Variants in TMEM38A observed in about 807,000 individuals in gnomAD.
TMEM38A encodes the protein trimeric intracellular cation channel type A.
TMEM38A carries 17 observed loss-of-function variants against 28.6 expected under a neutral mutation model. The observed-to-expected ratio is 0.60, with a 90% CI of 0.41 to 0.89. The LOEUF (loss-of-function observed/expected upper bound fraction) is 0.89, where lower values mean the gene tolerates loss of function less well. TMEM38A is among the 40% of genes least tolerant of loss of function. The pLI is 0.00. For missense variants in TMEM38A, 328 were observed against 393.1 expected, an observed-to-expected ratio of 0.83 and a Z score of 1.40; for synonymous variants, 169 against 166.1, an observed-to-expected ratio of 1.02 and a Z score of -0.14.
Position 16,680,498 on chromosome 19 carries a change from G to A in TMEM38A, c.383G>A (p.Arg128His), listed in dbSNP as rs199622743. The change falls in exon 3 of 6, where the codon CGC becomes CAC. Residue 128 changes from arginine (R) to histidine (H), a missense_variant. Arg to His is a conservative substitution (Grantham distance 29). Coordinates refer to ENST00000187762, the MANE Select transcript of TMEM38A (RefSeq NM_024074.4). ...FVAMKEVVRV[R>H]KIAVGIHHAH... ...GCCATGAAGGAGGTGGTGCGAGTCC[G>A]CAAGATCGCGGTGGGCATCCATCAC... is the stretch of plus-strand genomic sequence containing the variant. 1,509 of 1,614,196 alleles carry A rather than the reference G, an allele frequency of 9.3e-4. 13 individuals are homozygous for A. The highest frequency in any genetic ancestry group is 1.2e-4 in the Non-Finnish European group (143 of 1,180,044).
chr19:16,682,168 C>G (rs900260437), intron 3 of TMEM38A, among the ~76,000 whole-genome samples: 6 of 152,064 alleles, frequency 3.9e-5, no homozygotes, highest in African/African-American at 1.4e-4. Flanking sequence ...GGTTGAAGAC[C>G]TGCCTTGCAG....
At chr19:16,681,651 A>G (rs1227100188) in intron 3 of TMEM38A, among the ~76,000 whole-genome samples, 1 of 152,186 alleles carries the variant, frequency 6.6e-6, no homozygotes, top group African/African-American at 2.4e-5. Context: ...GTCCTCAGTT[A>G]TTCCTTGCTA....
intron 3 of TMEM38A, chr19:16,680,887 G>C (rs1356165874): frequency 2.8e-6 from 1 of 363,046 alleles, no homozygotes; most frequent in African/African-American, 2.1e-5. Flanking sequence ...CTTTGTGGTG[G>C]GGGCTGCCTT....
chr19:16,674,337 G>A (rs1258140732), intron 1 of TMEM38A, among the ~76,000 whole-genome samples: 7 of 125,882 alleles, frequency 5.6e-5, no homozygotes, highest in African/African-American at 1.5e-4. Flanking sequence ...GCAGTGAGCC[G>A]AGATCACACC....
At position 16,661,171 on chromosome 19, in the gene TMEM38A, G is replaced by A. The variant is rs1445964138; in HGVS notation, c.-47G>A. The A allele has an allele frequency of 8.4e-7, 1 of 1,196,042 alleles. No individual in the cohort carries two copies. Among genetic ancestry groups the A allele is most frequent in the South Asian group, 2.9e-5 (1 of 34,232 alleles). 74.1% of individuals were successfully genotyped at this position (1,196,042 alleles called of 1,614,324 possible). A position where few individuals can be genotyped will look rare whatever the true frequency, so the allele number is the denominator to read the frequency against. ...CCGGGCCGCGGGCGGCGGGACGGAC[G>A]AGGCCGGGGCCCCGGGTGGCACCCG... On this transcript the variant is annotated 5_prime_UTR_variant, in exon 1 of 6. Transcript: ENST00000187762. The surrounding 1 kb of genome is among the most constrained non-coding windows in gnomAD (Gnocchi z 6.5).
At position 16,688,086 on chromosome 19, in the gene TMEM38A, CT is replaced by C. The variant is rs1481644740; in HGVS notation, c.673-55del. On this transcript the variant is annotated intron_variant, in intron 5 of 5. Coordinates refer to ENST00000187762, the MANE Select transcript of TMEM38A (RefSeq NM_024074.4). ...CCCCACCCTGCCCTCCACTCCTTTG[CT>C]TTCTACCTTGGTCTCCCTCTGTCTC... The C allele has an allele frequency of 5.5e-6, 7 of 1,271,382 alleles. No individual in the cohort carries two copies. The Admixed American group carries it at 1.2e-4, about 21-fold the overall frequency. The allele number at this position is 1,271,382 out of a possible 1,614,324, so 78.8% of individuals were successfully genotyped here. A position where few individuals can be genotyped will look rare whatever the true frequency, so the allele number is the denominator to read the frequency against.
intron 1 of TMEM38A, among the ~76,000 whole-genome samples, chr19:16,676,264 G>A (rs2086750846): frequency 7.5e-6 from 1 of 133,458 alleles, no homozygotes; most frequent in Non-Finnish European, 1.5e-5. Flanking sequence ...GCTGAGGCAG[G>A]AGAATGGCAT....
At chr19:16,677,098 A>G (rs1036852858) in intron 1 of TMEM38A, among the ~76,000 whole-genome samples, 2 of 150,120 alleles carry the variant, frequency 1.3e-5, no homozygotes, top group African/African-American at 4.9e-5. Context: ...AAGCCCAGCT[A>G]TAGGACCTAA....
chr19:16,672,445 C>CTTTTTTTTTT (rs1491240988), intron 1 of TMEM38A, among the ~76,000 whole-genome samples: 45 of 100,432 alleles, frequency 4.5e-4, no homozygotes, highest in African/African-American at 2.0e-3. Flanking sequence ...AAAAAAACCT[C>CTTTTTTTTTT]ATTTTTTTTT....
chr19:16,674,049 G>A (rs1183729996), intron 1 of TMEM38A, among the ~76,000 whole-genome samples: 2 of 151,984 alleles, frequency 1.3e-5, no homozygotes, highest in African/African-American at 2.4e-5. Context: ...TTGCATCACT[G>A]CACTCCAGCC....
intron 4 of TMEM38A, 148 bp from the exon 5 acceptor site, chr19:16,686,140 G>A (rs929913133): frequency 3.4e-6 from 2 of 589,058 alleles, no homozygotes; most frequent in Admixed American, 5.8e-5. Context: ...TCCAGCCTGG[G>A]CAACAGAGTG....
intron 1 of TMEM38A, among the ~76,000 whole-genome samples, chr19:16,670,059 T>G (rs2086720050): frequency 6.6e-6 from 1 of 151,878 alleles, no homozygotes; most frequent in African/African-American, 2.4e-5. Context: ...AACCTCCGCC[T>G]CATGGGTTCA....
At chr19:16,682,083 C>T (rs148877853) in intron 3 of TMEM38A, among the ~76,000 whole-genome samples, 1,576 of 152,158 alleles carry the variant, frequency 0.01, 27 homozygotes, top group African/African-American at 0.035. Flanking sequence ...AGAGAGACTG[C>T]GGGTGGGGGC....
At position 16,675,904 on chromosome 19, in the gene TMEM38A, C is replaced by G. The variant is rs117914510; in HGVS notation, c.125-4080C>G. Among the ~76,000 whole-genome samples, 566 of 152,124 alleles carry G rather than the reference C, an allele frequency of 3.7e-3. 19 individuals are homozygous for G. In the South Asian group the frequency reaches 0.078, roughly 21 times the overall value. Reference sequence around the variant, plus strand: ...GTGACATAATCACCTCCCAAAGGCCCGACCTCCTAATGCTATCACAAGCGG... The same window carrying G: ...GTGACATAATCACCTCCCAAAGGCCGGACCTCCTAATGCTATCACAAGCGG... On this transcript the variant is annotated intron_variant, in intron 1 of 5. Transcript: ENST00000187762.
rs2086785151 is a variant in TMEM38A, at chr19:16,682,334, G to T, written c.467-87G>T. The T allele has an allele frequency of 1.1e-5, 12 of 1,053,638 alleles. No individual in the cohort carries two copies. In the South Asian group the frequency reaches 1.4e-4, roughly 12 times the overall value. The allele number at this position is 1,053,638 out of a possible 1,614,324, so 65.3% of individuals were successfully genotyped here. ...TGTCCTTCTAGAGAAGATTCTGGGA[G>T]TGGAGAGACTGCTTCCTTGGGAATT... is the stretch of plus-strand genomic sequence containing the variant. On this transcript the variant is annotated intron_variant, in intron 3 of 5. Coordinates refer to ENST00000187762, the MANE Select transcript of TMEM38A (RefSeq NM_024074.4).
chr19:16,665,664 G>T (rs2086699876), intron 1 of TMEM38A, among the ~76,000 whole-genome samples: 1 of 152,164 alleles, frequency 6.6e-6, no homozygotes, highest in Non-Finnish European at 1.5e-5. Flanking sequence ...CGATTGTAAA[G>T]ATCTATTGAG....
chr19:16,682,445 A>C lies in TMEM38A; in HGVS notation c.491A>C (p.Asn164Thr), dbSNP rs765512783. The C allele has an allele frequency of 6.2e-7, 1 of 1,613,778 alleles. No individual in the cohort carries two copies. The highest frequency in any genetic ancestry group is 1.7e-5 in the Admixed American group (1 of 59,958). Residue 164 changes from asparagine to threonine, a missense_variant, in exon 4 of 6, where the codon AAC (asparagine) becomes ACC (threonine). Physicochemically the swap from Asn to Thr is moderately conservative, Grantham distance 65 (BLOSUM62 0). Coordinates refer to ENST00000187762, the MANE Select transcript of TMEM38A (RefSeq NM_024074.4). The stretch of plus-strand genomic sequence containing the variant: ...GGTTCTGGTGTCGCCCTCATGTCCA[A>C]CTTTGAGCAGCTGCTCCGAGGGGTC... ...VKGSGVALMSNFEQLLRGVWK... is the reference protein window; with the variant it reads ...VKGSGVALMSTFEQLLRGVWK...
Position 16,661,345 on chromosome 19 carries a change from A to G in TMEM38A, c.124+4A>G. 1 of 1,572,366 alleles carries G rather than the reference A, an allele frequency of 6.4e-7. No individual in the cohort carries two copies. Among genetic ancestry groups the G allele is most frequent in the East Asian group, 2.4e-5 (1 of 40,982 alleles). ...CTCTACCTCAAGTATGAGCCAGGTG[A>G]GCCGGGGCGGGGGGCTGGAGGGGAC... is the stretch of plus-strand genomic sequence containing the variant. On this transcript the variant is annotated splice_donor_region_variant and intron_variant, in intron 1 of 5. Coordinates refer to ENST00000187762, the MANE Select transcript of TMEM38A (RefSeq NM_024074.4). The surrounding 1 kb of genome is among the most constrained non-coding windows in gnomAD (Gnocchi z 6.5).
intron 1 of TMEM38A, among the ~76,000 whole-genome samples, chr19:16,676,861 A>C (rs1427216994): frequency 2.8e-5 from 4 of 143,668 alleles, no homozygotes; most frequent in Non-Finnish European, 1.5e-5. Context: ...CCTAGGTTCC[A>C]GCAATTCTCT....
Sources: gnomAD v4.1 joint callset for allele counts (sites outside exome capture counted in the v4.1 genomes callset) on GRCh38, gnomAD v4.1.1 for gene constraint, Gnocchi (gnomAD v3.1) non-coding constraint, MANE v1.5 for transcripts, NCBI Gene and HGNC (gene_info 2026-07-23, HGNC 2026-07-21) for gene names.